Variants in SFMBT2 observed in about 807,000 individuals in gnomAD.
SFMBT2 encodes the protein Scm like with four mbt domains 2.
SFMBT2 carries 38 observed loss-of-function variants against 110.1 expected under a neutral mutation model. The observed-to-expected ratio is 0.35, with a 90% confidence interval of 0.27 to 0.45. The LOEUF (loss-of-function observed/expected upper bound fraction) is 0.45. Among genes scored for constraint, SFMBT2 ranks in the 20% least tolerant of loss-of-function variants. The probability of loss-of-function intolerance (pLI) is 1.00; values close to 1 mark genes in which losing one functional copy is unlikely to be tolerated. For missense variants in SFMBT2, 1,011 were observed against 1,094.9 expected (o/e 0.92, Z 1.08); for synonymous variants, 425 against 425.4 (o/e 1.00, Z 0.01).
At chr10:7,201,513 T>G (rs1246928941) in intron 13 of SFMBT2, among the ~76,000 whole-genome samples, 1 of 152,126 alleles carries the variant, frequency 6.6e-6, no homozygotes, top group Non-Finnish European at 1.5e-5. Flanking sequence ...AAACTGCATT[T>G]AGAACCAAAC....
chr10:7,217,217 A>G (rs1839571734), intron 11 of SFMBT2, among the ~76,000 whole-genome samples: 1 of 152,176 alleles, frequency 6.6e-6, no homozygotes, highest in South Asian at 2.1e-4. Flanking sequence ...TCAGTTTTGC[A>G]AGACGAAAAA....
chr10:7,376,450 G>A (rs577903119), intron 2 of SFMBT2, among the ~76,000 whole-genome samples: 18 of 151,892 alleles, frequency 1.2e-4, no homozygotes, highest in African/African-American at 2.4e-4. Flanking sequence ...CTGTAGTCCC[G>A]GCACTTTGGG....
At chr10:7,308,428 T>C (rs1400016664) in intron 4 of SFMBT2, among the ~76,000 whole-genome samples, 1 of 151,990 alleles carries the variant, frequency 6.6e-6, no homozygotes, top group African/African-American at 2.4e-5. Context: ...TAATAAATAC[T>C]ACAATAAATT....
intron 11 of SFMBT2, among the ~76,000 whole-genome samples, chr10:7,217,782 G>A (rs541596028): frequency 1.3e-5 from 2 of 152,220 alleles, no homozygotes; most frequent in Non-Finnish European, 2.9e-5. Flanking sequence ...AATATTCACA[G>A]TTACAGACAT....
rs531540715 is a variant in SFMBT2 at position 7,328,697 on chromosome 10, T to C, written c.436+38952A>G. 2.0e-5 allele frequency among the ~76,000 whole-genome samples: 3 copies of C among 152,366 alleles called. No individual in the cohort carries two copies. In the East Asian group the frequency reaches 5.8e-4, roughly 29 times the overall value. ...GAGTCTACATAAAACAATTTCCTCT[T>C]TGATAAAGTAAGTGCTGAAATAATA... On this transcript the variant is annotated intron_variant, in intron 4 of 20. Transcript: ENST00000397167.
chr10:7,335,936 A>C, intron 4 of SFMBT2, among the ~76,000 whole-genome samples: 1 of 152,182 alleles, frequency 6.6e-6, no homozygotes, highest in Non-Finnish European at 1.5e-5. Flanking sequence ...AGGCCCTTCC[A>C]ATAGACTCAG....
intron 4 of SFMBT2, among the ~76,000 whole-genome samples, chr10:7,324,889 C>G (rs142840298): frequency 0.019 from 2,935 of 150,852 alleles, 59 homozygotes; most frequent in Admixed American, 0.051. Flanking sequence ...CTTTTAAGGA[C>G]AGTAATCCTA....
intron 1 of SFMBT2, among the ~76,000 whole-genome samples, chr10:7,396,579 C>A (rs1436077556): frequency 6.6e-6 from 1 of 152,028 alleles, no homozygotes; most frequent in Non-Finnish European, 1.5e-5. Context: ...TTCAGATTTC[C>A]AGTTATAAGA....
chr10:7,177,272 A>G (rs1236062235), intron 16 of SFMBT2, among the ~76,000 whole-genome samples: 2 of 152,212 alleles, frequency 1.3e-5, no homozygotes, highest in East Asian at 3.8e-4. Context: ...TCTATTTCTT[A>G]TTAGACTGAG....
Position 7,181,202 on chromosome 10 carries a change from G to A in SFMBT2, c.1809-5037C>T, listed in dbSNP as rs186436799. Among the ~76,000 whole-genome samples, 173 of 146,830 alleles carry A rather than the reference G, an allele frequency of 1.2e-3. No individual in the cohort carries two copies. In the East Asian group the frequency reaches 0.012, roughly 10 times the overall value. ...TGCAGTTAGCCGAGATTGTGCCACTGCATTCCAGCCTGGGTGACAAAGTGA... is the reference window on the plus strand; with the variant it reads ...TGCAGTTAGCCGAGATTGTGCCACTACATTCCAGCCTGGGTGACAAAGTGA... On this transcript the variant is annotated intron_variant, in intron 16 of 20. Coordinates refer to ENST00000397167, the MANE Select transcript of SFMBT2 (RefSeq NM_001387889.1).
intron 12 of SFMBT2, chr10:7,204,361 A>C (rs945468378): frequency 1.0e-6 from 1 of 985,330 alleles, no homozygotes; most frequent in Non-Finnish European, 1.2e-6. Flanking sequence ...AAGTGGCCAC[A>C]GAACAGGCTG....
chr10:7,410,178 A>C (rs564950664), intron 1 of SFMBT2, among the ~76,000 whole-genome samples: 2 of 152,358 alleles, frequency 1.3e-5, no homozygotes, highest in South Asian at 4.1e-4. Flanking sequence ...TATTACTTTA[A>C]AGAGAAAATA....
chr10:7,269,711 TGTGC>T (rs1469796522), intron 7 of SFMBT2, among the ~76,000 whole-genome samples: 1 of 8,450 alleles, frequency 1.2e-4, no homozygotes. Context: ...CAAGTAAGTG[TGTGC>T]GTGTGTGTGT....
In SFMBT2 at chr10:7,370,265, A is replaced by G. The variant is rs767247386; in HGVS notation, c.195+16T>C. ...CACTTTCTAGACACAGAGAAGACAC[A>G]AGCTGCTTTACATACGTGTTTGAAT... On this transcript the variant is annotated intron_variant, in intron 3 of 20. Transcript: ENST00000397167. The G allele has an allele frequency of 1.3e-5, 21 of 1,607,658 alleles. 1 individual carries two copies. The South Asian group carries it at 2.2e-4, about 17-fold the overall frequency.
At chr10:7,315,112 A>AAAGAAAGAAAGAAAG (rs1564435697) in intron 4 of SFMBT2, among the ~76,000 whole-genome samples, 1 of 109,384 alleles carries the variant, frequency 9.1e-6, no homozygotes, top group Non-Finnish European at 2.1e-5. Flanking sequence ...AAGAAAGAAA[A>AAAGAAAGAAAGAAAG]AGCAAGCAAG....
chr10:7,237,946 A>T (rs1588371784), intron 9 of SFMBT2, among the ~76,000 whole-genome samples: 1 of 152,268 alleles, frequency 6.6e-6, no homozygotes, highest in East Asian at 1.9e-4. Context: ...CACAGAGGGA[A>T]CAGCAGGTGC....
chr10:7,171,807 G>T lies in SFMBT2; in HGVS notation c.2415+88C>A. ...GCTGCTGTTGGAGGTATTTTAAACAGGTTTCCCCACATCGTGGCCCTGAAG... is the reference window on the plus strand; with the variant it reads ...GCTGCTGTTGGAGGTATTTTAAACATGTTTCCCCACATCGTGGCCCTGAAG... On this transcript the variant is annotated intron_variant, in intron 19 of 20. Transcript: ENST00000397167. This position sits in a 1 kb window ranked among gnomAD's most constrained non-coding sequence, Gnocchi z 4.9. The T allele has an allele frequency of 7.8e-7, 1 of 1,288,674 alleles. No homozygotes were observed. Among genetic ancestry groups the T allele is most frequent in the Non-Finnish European group, 1.0e-6 (1 of 1,001,244 alleles). 79.8% of individuals were successfully genotyped at this position (1,288,674 alleles called of 1,614,324 possible).
In SFMBT2 at chr10:7,171,791, G is replaced by A. The variant is rs997540102; in HGVS notation, c.2415+104C>T. 1 of 1,183,160 alleles carries A rather than the reference G, an allele frequency of 8.5e-7. No homozygotes were observed. The highest frequency in any genetic ancestry group is 1.6e-5 in the African/African-American group (1 of 62,284). 73.3% of individuals were successfully genotyped at this position (1,183,160 alleles called of 1,614,324 possible). On this transcript the variant is annotated intron_variant, in intron 19 of 20. Coordinates refer to ENST00000397167, the MANE Select transcript of SFMBT2 (RefSeq NM_001387889.1). The surrounding 1 kb of genome is among the most constrained non-coding windows in gnomAD (Gnocchi z 4.9). ...ACTAGCTAGAGCAGCTGCTGCTGTT[G>A]GAGGTATTTTAAACAGGTTTCCCCA... is the stretch of plus-strand genomic sequence containing the variant.
intron 4 of SFMBT2, among the ~76,000 whole-genome samples, chr10:7,334,749 T>C (rs1050531611): frequency 5.9e-5 from 9 of 152,216 alleles, no homozygotes; most frequent in African/African-American, 2.2e-4. Context: ...TTTCCCACTG[T>C]CTGCAATTGT....
Sources: gnomAD v4.1 joint callset for allele counts (sites outside exome capture counted in the v4.1 genomes callset) on GRCh38, gnomAD v4.1.1 for gene constraint, Gnocchi (gnomAD v3.1) non-coding constraint, MANE v1.5 for transcripts, NCBI Gene and HGNC (gene_info 2026-07-23, HGNC 2026-07-21) for gene names.